The following WDPCP variants were observed in gnomAD, a reference collection of about 807,000 sequenced individuals.
WDPCP encodes the protein WD repeat-containing and planar cell polarity effector protein fritz homolog.
A neutral mutation model predicts 93.1 loss-of-function variants in WDPCP; 71 were observed. The observed-to-expected ratio is 0.76, with a 90% CI of 0.63 to 0.93. The LOEUF (loss-of-function observed/expected upper bound fraction) is 0.93. Ranked by LOEUF, WDPCP falls within the 40% of genes least tolerant of loss-of-function variation. The probability of loss-of-function intolerance (pLI) is 0.00; values close to 1 mark genes in which losing one functional copy is unlikely to be tolerated. For synonymous variants in WDPCP, 315 were observed against 315.0 expected (o/e 1.00, Z 0.00); for missense variants, 844 against 887.4 (o/e 0.95, Z 0.62).
At chr2:63,723,366 A>C (rs1233926420) in intron 2 of WDPCP, among the ~76,000 whole-genome samples, 3 of 151,902 alleles carry the variant, frequency 2.0e-5, no homozygotes, top group African/African-American at 7.3e-5. Context: ...TCAGATTTCA[A>C]AGTATATGTC....
chr2:63,599,046 T>G, intron 3 of WDPCP: 1 of 782,246 alleles, frequency 1.3e-6, no homozygotes. Flanking sequence ...CTATATTGTA[T>G]TTGGTGTTTC....
chr2:63,348,330 A>T (rs1246741443), intron 12 of WDPCP, among the ~76,000 whole-genome samples: 1 of 152,204 alleles, frequency 6.6e-6, no homozygotes, highest in Non-Finnish European at 1.5e-5. Context: ...CAACTGACTT[A>T]AACTTCAGAC....
At chr2:63,536,477 T>C (rs544689317) in intron 1 of WDPCP, among the ~76,000 whole-genome samples, 8 of 152,198 alleles carry the variant, frequency 5.3e-5, no homozygotes, top group African/African-American at 1.9e-4. Flanking sequence ...CCATCAATGA[T>C]AGACTGGATC....
intron 17 of WDPCP, among the ~76,000 whole-genome samples, chr2:63,147,504 G>C (rs1671597792): frequency 2.0e-5 from 3 of 152,170 alleles, no homozygotes; most frequent in Non-Finnish European, 4.4e-5. Flanking sequence ...AGGGGAAAAT[G>C]ATGAGTTTAG....
upstream of WDPCP, among the ~76,000 whole-genome samples, chr2:63,828,466 C>A (rs374150645): frequency 6.6e-6 from 1 of 152,222 alleles, no homozygotes; most frequent in South Asian, 2.1e-4. Context: ...GAATATATAT[C>A]TATGTGGGGA....
chr2:63,832,504 G>A (rs1671229276), upstream of WDPCP, among the ~76,000 whole-genome samples: 1 of 152,158 alleles, frequency 6.6e-6, no homozygotes, highest in South Asian at 2.1e-4. Context: ...GCACAGGGAT[G>A]GGAAGAATTG....
intron 1 of WDPCP, among the ~76,000 whole-genome samples, chr2:63,514,017 AGAGTT>A (rs1553417151): frequency 6.6e-6 from 1 of 152,186 alleles, no homozygotes; most frequent in Non-Finnish European, 1.5e-5. Flanking sequence ...CTCTCTCTCC[AGAGTT>A]AAGTTCTCTT....
chr2:63,561,371 G>A (rs575714310), intron 1 of WDPCP, among the ~76,000 whole-genome samples: 37 of 152,102 alleles, frequency 2.4e-4, no homozygotes, highest in East Asian at 7.7e-4. Flanking sequence ...CCAGCTGCTC[G>A]GGAGGCTGAG....
At chr2:63,148,603 T>C (rs2162012) in intron 17 of WDPCP, among the ~76,000 whole-genome samples, 71,286 of 151,200 alleles carry the variant, frequency 0.47, 17,236 homozygotes, top group East Asian at 0.56. Context: ...ATCCACCCAC[T>C]ACCCAAAGTG....
chr2:63,362,277 T>TTGGGTGGGTGTGTGTGTGTGTG (rs1553362983), intron 12 of WDPCP, among the ~76,000 whole-genome samples: 7 of 94,108 alleles, frequency 7.4e-5, no homozygotes, highest in African/African-American at 3.2e-4. Context: ...TTTTTTTTGG[T>TTGGGTGGGTGTGTGTGTGTGTG]TGTGTGTGTG....
At chr2:63,152,272 C>CTT (rs530922242) in intron 17 of WDPCP, among the ~76,000 whole-genome samples, 17 of 140,116 alleles carry the variant, frequency 1.2e-4, no homozygotes, top group Admixed American at 2.2e-4. Flanking sequence ...CCTGGCTACT[C>CTT]TTTTTTTTTT....
At chr2:63,486,704 T>G in intron 3 of WDPCP, 118 bp from the exon 4 acceptor site, 1 of 844,268 alleles carries the variant, frequency 1.2e-6, no homozygotes, top group Non-Finnish European at 1.8e-6. Context: ...ACATGCATTA[T>G]TGAGATTAAT....
chr2:63,725,491 G>C (rs1669484597), intron 2 of WDPCP, among the ~76,000 whole-genome samples: 1 of 152,150 alleles, frequency 6.6e-6, no homozygotes, highest in Admixed American at 6.6e-5. Flanking sequence ...ATTGTGAATA[G>C]TGCTGCAATG....
rs183178477 is a variant in WDPCP, at chr2:63,778,763, G to A, written n.308+34859C>T. ...ATGCTCTCTTTTGATAAACATAAAT[G>A]TCTTAACCTTTAGTCTCACTGTTGG... On this transcript the variant is annotated intron_variant and non_coding_transcript_variant, in intron 2 of 4. Transcript: ENST00000467687. Among the ~76,000 whole-genome samples the A allele has an allele frequency of 1.3e-3, 197 of 152,222 alleles. 1 individual carries two copies. Among genetic ancestry groups the A allele is most frequent in the African/African-American group, 4.6e-3 (193 of 41,542 alleles).
intron 1 of WDPCP, among the ~76,000 whole-genome samples, chr2:63,545,169 C>G (rs924681684): frequency 3.9e-5 from 6 of 152,200 alleles, no homozygotes; most frequent in East Asian, 1.9e-4. Context: ...TTACAGAATT[C>G]CCTGGCTGGT....
chr2:63,139,493 A>G, intron 17 of WDPCP, among the ~76,000 whole-genome samples: 1 of 151,776 alleles, frequency 6.6e-6, no homozygotes, highest in East Asian at 1.9e-4. Context: ...CTACTGTTTG[A>G]TTTTTTTTAT....
At chr2:63,229,327 A>G (rs1678609815) in intron 14 of WDPCP, 1 of 151,960 alleles carries the variant, frequency 6.6e-6, no homozygotes, top group South Asian at 2.1e-4. Context: ...TAGATTCTGG[A>G]TATTAGCCCT....
At chr2:63,764,581 A>G (rs1208979574) in intron 2 of WDPCP, among the ~76,000 whole-genome samples, 2 of 152,236 alleles carry the variant, frequency 1.3e-5, no homozygotes, top group Non-Finnish European at 1.5e-5. Flanking sequence ...TGATTAAAAA[A>G]GCACATTAAA....
At chr2:63,631,058 A>T (rs1307934308) in intron 3 of WDPCP, among the ~76,000 whole-genome samples, 1 of 152,184 alleles carries the variant, frequency 6.6e-6, no homozygotes, top group African/African-American at 2.4e-5. Flanking sequence ...AGGTGGATGG[A>T]ACACCTGAGG....
Sources: gnomAD v4.1 joint callset for allele counts (sites outside exome capture counted in the v4.1 genomes callset) on GRCh38, gnomAD v4.1.1 for gene constraint, MANE v1.5 for transcripts, NCBI Gene and HGNC (gene_info 2026-07-23, HGNC 2026-07-21) for gene names.